Variants in NAA15 observed in about 807,000 individuals in gnomAD.
NAA15 encodes N-alpha-acetyltransferase 15, NatA auxiliary subunit, also known as N-terminal acetyltransferase.
A neutral mutation model predicts 114.0 loss-of-function variants in NAA15; 34 were observed. The ratio of observed to expected loss-of-function variants is 0.30; its 90% CI spans 0.23 to 0.40. The LOEUF (loss-of-function observed/expected upper bound fraction) is 0.40, where lower values mean the gene tolerates loss of function less well. NAA15 is among the 10% of genes least tolerant of loss of function. NAA15 has a pLI of 1.00. For missense variants in NAA15, 658 were observed against 1,004.5 expected (o/e 0.66, Z 4.66); for synonymous variants, 340 against 338.0 (o/e 1.01, Z -0.06).
At chr4:139,386,363 T>G (rs573863291) in intron 19 of NAA15, 133 bp downstream of exon 19, 34 of 484,874 alleles carry the variant, frequency 7.0e-5, no homozygotes, top group African/African-American at 5.2e-4. Flanking sequence ...ATCTTAAAAT[T>G]TATTTAGGCT....
At chr4:139,314,403 T>C (rs894665972) in intron 1 of NAA15, among the ~76,000 whole-genome samples, 4 of 151,940 alleles carry the variant, frequency 2.6e-5, no homozygotes, top group African/African-American at 9.7e-5. Context: ...AAATTTAAAA[T>C]GTTAAAAATG....
intron 2 of NAA15, 45 bp from the exon 3 acceptor site, chr4:139,336,803 T>A (rs777317947): frequency 3.5e-6 from 4 of 1,157,202 alleles, no homozygotes; most frequent in South Asian, 1.8e-5. Context: ...TTTTTAATAT[T>A]TATTTTTTTA....
intron 1 of NAA15, among the ~76,000 whole-genome samples, chr4:139,331,617 A>ATTTTTTTTT (rs34467609): frequency 3.1e-5 from 4 of 127,846 alleles, no homozygotes; most frequent in Non-Finnish European, 6.6e-5. Flanking sequence ...TGCCCGGCTA[A>ATTTTTTTTT]TTTTTTTTTT....
rs147280487 is a variant in NAA15, at chr4:139,346,207, AAGT to A, written c.691+1872_691+1874del. On this transcript the variant is annotated intron_variant, in intron 6 of 19. Coordinates refer to ENST00000296543, the MANE Select transcript of NAA15 (RefSeq NM_057175.5). ...AAGAACATGAATAGTTCACATCAAC[AAGT>A]AGTGGTGGTGTGTAAGTGGCGGGCA... 2.7e-3 allele frequency among the ~76,000 whole-genome samples: 413 copies of A among 152,318 alleles called. 2 individuals carry two copies. The highest frequency in any genetic ancestry group is 8.4e-3 in the African/African-American group (350 of 41,558).
chr4:139,343,982 GATT>G (rs1272905757), intron 5 of NAA15, among the ~76,000 whole-genome samples: 4 of 152,034 alleles, frequency 2.6e-5, no homozygotes, highest in African/African-American at 4.8e-5. Context: ...AGGACTTATG[GATT>G]ATTATTTTAT....
At chr4:139,355,792 G>T (rs1747930339) in intron 10 of NAA15, among the ~76,000 whole-genome samples, 1 of 152,154 alleles carries the variant, frequency 6.6e-6, no homozygotes, top group Non-Finnish European at 1.5e-5. Flanking sequence ...GAGTGAGTGA[G>T]ATTCTTACAG....
In NAA15 at chr4:139,356,819, C is replaced by G. The variant is rs559004042; in HGVS notation, c.1088-567C>G. Among the ~76,000 whole-genome samples, 23 of 152,072 alleles carry G rather than the reference C, an allele frequency of 1.5e-4. No individual in the cohort carries two copies. In the South Asian group the frequency reaches 4.6e-3, roughly 30 times the overall value. On this transcript the variant is annotated intron_variant, in intron 10 of 19. Coordinates refer to ENST00000296543, the MANE Select transcript of NAA15 (RefSeq NM_057175.5). ...ATATAAAAATTTTTTTACTTGTCAT[C>G]TCATTTTTGGGGTATAGTTTTTATT...
intron 3 of NAA15, among the ~76,000 whole-genome samples, chr4:139,337,535 C>A (rs2110903386): frequency 6.6e-6 from 1 of 152,082 alleles, no homozygotes; most frequent in Middle Eastern, 3.4e-3. Context: ...ATAACATAGC[C>A]CCTGATAATG....
At chr4:139,324,693 A>C (rs540267176) in intron 1 of NAA15, among the ~76,000 whole-genome samples, 1 of 152,348 alleles carries the variant, frequency 6.6e-6, no homozygotes, top group Non-Finnish European at 1.5e-5. Context: ...GCACTTCAGG[A>C]GGCCGAGGCA....
chr4:139,342,502 C>G, intron 4 of NAA15, among the ~76,000 whole-genome samples: 1 of 122,878 alleles, frequency 8.1e-6, no homozygotes. Flanking sequence ...TTTTTTGAGA[C>G]GGCGTCTTGC....
chr4:139,330,267 T>G (rs1405099805), intron 1 of NAA15, among the ~76,000 whole-genome samples: 3 of 152,226 alleles, frequency 2.0e-5, no homozygotes, highest in Admixed American at 6.5e-5. Context: ...ATAGCTTCCT[T>G]TAGTGCTTTC....
chr4:139,350,842 A>T (rs55987631), intron 7 of NAA15, among the ~76,000 whole-genome samples: 3,149 of 150,332 alleles, frequency 0.021, 91 homozygotes, highest in African/African-American at 0.07. Context: ...AAGAGAGGCC[A>T]TGGCCAAAAT....
chr4:139,376,287 T>C, intron 15 of NAA15, 78 bp from the exon 16 acceptor site: 1 of 902,692 alleles, frequency 1.1e-6, no homozygotes, highest in Admixed American at 2.5e-5. Context: ...TTTTTAAAAA[T>C]AAGAATTTTT....
At chr4:139,307,597 T>C (rs1050775847) in intron 1 of NAA15, among the ~76,000 whole-genome samples, 12 of 152,224 alleles carry the variant, frequency 7.9e-5, no homozygotes, top group African/African-American at 2.7e-4. Context: ...ACACTTGAAA[T>C]ATGGCTAGTG....
chr4:139,357,788 T>C (rs1416967723), intron 11 of NAA15, among the ~76,000 whole-genome samples: 1 of 152,240 alleles, frequency 6.6e-6, no homozygotes, highest in Non-Finnish European at 1.5e-5. Flanking sequence ...TTAATGTATA[T>C]GTATTCACAC....
At chr4:139,323,634 C>CTACACCTCT (rs1236253273) in intron 1 of NAA15, among the ~76,000 whole-genome samples, 1 of 152,206 alleles carries the variant, frequency 6.6e-6, no homozygotes, top group Non-Finnish European at 1.5e-5. Context: ...ACCCACACCC[C>CTACACCTCT]TACACCTCTT....
At position 139,339,354 on chromosome 4, in the gene NAA15, T is replaced by C. The variant is rs144276187; in HGVS notation, c.245-1558T>C. On this transcript the variant is annotated intron_variant, in intron 3 of 19. Coordinates refer to ENST00000296543, the MANE Select transcript of NAA15 (RefSeq NM_057175.5). ...TATGGAAAATAAAAAATTAACTGCATGTGGTGGTGGCATGTGCCTGTGGTC... is the reference window on the plus strand; with the variant it reads ...TATGGAAAATAAAAAATTAACTGCACGTGGTGGTGGCATGTGCCTGTGGTC... Among the ~76,000 whole-genome samples, 416 of 152,122 alleles carry C rather than the reference T, an allele frequency of 2.7e-3. 1 individual carries two copies. The highest frequency in any genetic ancestry group is 0.01 in the Middle Eastern group (3 of 294).
chr4:139,365,648 G>A (rs895803169), intron 14 of NAA15, among the ~76,000 whole-genome samples: 2 of 151,852 alleles, frequency 1.3e-5, no homozygotes, highest in Non-Finnish European at 1.5e-5. Context: ...GACCAGCCTG[G>A]GCAACATGGT....
chr4:139,362,360 A>G (rs976845391), intron 14 of NAA15, among the ~76,000 whole-genome samples: 1 of 151,984 alleles, frequency 6.6e-6, no homozygotes, highest in African/African-American at 2.4e-5. Flanking sequence ...GATCACTGCA[A>G]CCTCCCAGGT....
Sources: allele counts gnomAD v4.1 joint callset (sites outside exome capture counted in the v4.1 genomes callset), GRCh38; gene constraint gnomAD v4.1.1; transcripts MANE v1.5; gene names NCBI Gene and HGNC (gene_info 2026-07-23, HGNC 2026-07-21).